The following SLC7A14 variants were observed in gnomAD, a reference collection of about 807,000 sequenced individuals.
SLC7A14 encodes solute carrier family 7 member 14.
A neutral mutation model predicts 60.2 loss-of-function variants in SLC7A14; 37 were observed. The ratio of observed to expected loss-of-function variants is 0.61; its 90% CI spans 0.47 to 0.81. The LOEUF (loss-of-function observed/expected upper bound fraction) is 0.81. Among genes scored for constraint, SLC7A14 ranks in the 30% least tolerant of loss-of-function variants. The pLI, the probability that SLC7A14 is intolerant of heterozygous loss-of-function variation, is 0.00. For synonymous variants in SLC7A14, 399 were observed against 395.8 expected, an observed-to-expected ratio of 1.01 and a Z score of -0.10; for missense variants, 886 against 982.7, an observed-to-expected ratio of 0.90 and a Z score of 1.32.
At chr3:170,550,140 A>C (rs1714301558) in intron 1 of SLC7A14, among the ~76,000 whole-genome samples, 1 of 152,250 alleles carries the variant, frequency 6.6e-6, no homozygotes, top group South Asian at 2.1e-4. Flanking sequence ...CACACGTTGC[A>C]TTATAAATGT....
intron 1 of SLC7A14, among the ~76,000 whole-genome samples, chr3:170,582,410 C>CT (rs1453853610): frequency 6.6e-6 from 1 of 152,032 alleles, no homozygotes; most frequent in African/African-American, 2.4e-5. Context: ...ACTAGTGTGA[C>CT]TGGGGGGCTA....
At chr3:170,549,758 CT>C (rs1338232292) in intron 1 of SLC7A14, among the ~76,000 whole-genome samples, 1 of 152,150 alleles carries the variant, frequency 6.6e-6, no homozygotes, top group Admixed American at 6.6e-5. Context: ...CCACATTTTA[CT>C]TTTTTAACAT....
intron 7 of SLC7A14, among the ~76,000 whole-genome samples, chr3:170,469,980 CAGAT>C (rs886098303): frequency 2.2e-4 from 34 of 152,154 alleles, no homozygotes; most frequent in African/African-American, 5.3e-4. Flanking sequence ...TTTTGGGTGT[CAGAT>C]AGATTCATAT....
intron 1 of SLC7A14, among the ~76,000 whole-genome samples, chr3:170,543,097 C>CT (rs1439635195): frequency 1.3e-5 from 2 of 152,176 alleles, no homozygotes; most frequent in Non-Finnish European, 2.9e-5. Context: ...TCTATCTGGA[C>CT]TGTTGGGTCA....
At chr3:170,518,000 T>C (rs951754961) in intron 2 of SLC7A14, among the ~76,000 whole-genome samples, 2 of 152,224 alleles carry the variant, frequency 1.3e-5, no homozygotes, top group African/African-American at 2.4e-5. Context: ...ATCTCAGAGA[T>C]AGCTCGCTGA....
chr3:170,569,440 A>G (rs1224079821), intron 1 of SLC7A14, among the ~76,000 whole-genome samples: 1 of 152,014 alleles, frequency 6.6e-6, no homozygotes, highest in Non-Finnish European at 1.5e-5. Flanking sequence ...TTTTGGCATC[A>G]GCGTTCATCA....
Position 170,461,243 on chromosome 3 carries a change from T to G in SLC7A14, c.*5812A>C, listed in dbSNP as rs1008641426. The G allele has an allele frequency of 2.0e-5, 3 of 152,236 alleles. No individual in the cohort carries two copies. Among genetic ancestry groups the G allele is most frequent in the African/African-American group, 4.8e-5 (2 of 41,450 alleles). 9.4% of individuals were successfully genotyped at this position (152,236 alleles called of 1,614,324 possible). ...TTAATGATTTTGTACACTGTTTTAG[T>G]TGATACTGCAGAACACATATTCACC... is the stretch of plus-strand genomic sequence containing the variant. On this transcript the variant is annotated 3_prime_UTR_variant, in exon 8 of 8. Coordinates refer to ENST00000231706, the MANE Select transcript of SLC7A14 (RefSeq NM_020949.3).
chr3:170,500,194 G>A (rs1712559827), intron 3 of SLC7A14, among the ~76,000 whole-genome samples: 1 of 152,092 alleles, frequency 6.6e-6, no homozygotes, highest in Non-Finnish European at 1.5e-5. Flanking sequence ...TGTAATTCCA[G>A]CACTTTGGGA....
chr3:170,571,815 C>T (rs1714962901), intron 1 of SLC7A14, among the ~76,000 whole-genome samples: 2 of 152,116 alleles, frequency 1.3e-5, no homozygotes, highest in South Asian at 4.1e-4. Flanking sequence ...AATCCCAGCA[C>T]TTTGGGAGGC....
At chr3:170,508,329 C>T (rs1031706867) in intron 2 of SLC7A14, among the ~76,000 whole-genome samples, 1 of 152,234 alleles carries the variant, frequency 6.6e-6, no homozygotes, top group Non-Finnish European at 1.5e-5. Context: ...TTTACAGTTT[C>T]ATGCAGGCCT....
chr3:170,543,731 TTTTC>T (rs761250853), intron 1 of SLC7A14, among the ~76,000 whole-genome samples: 66 of 150,108 alleles, frequency 4.4e-4, no homozygotes, highest in African/African-American at 1.0e-3. Context: ...CTAAACTGCA[TTTTC>T]TTTCTTTCTT....
At position 170,532,370 on chromosome 3, in the gene SLC7A14, C is replaced by CT. The variant is rs1453981037; in HGVS notation, c.-152-5283dup. ...AGGTCTTGGCTAACCCTCTCACCAC[C>CT]TCCCTGCTTTTCTTCCTCTGGGCTG... On this transcript the variant is annotated intron_variant, in intron 1 of 7. Transcript: ENST00000231706. This position sits in a 1 kb window ranked among gnomAD's most constrained non-coding sequence, Gnocchi z 4.0. Among the ~76,000 whole-genome samples the CT allele has an allele frequency of 6.6e-6, 1 of 152,230 alleles. No homozygotes were observed. The highest frequency in any genetic ancestry group is 2.4e-5 in the African/African-American group (1 of 41,458).
intron 1 of SLC7A14, among the ~76,000 whole-genome samples, chr3:170,579,549 T>C (rs56847955): frequency 1.6e-3 from 249 of 152,364 alleles, no homozygotes; most frequent in African/African-American, 5.6e-3. Context: ...GTTTCCTTAT[T>C]GACTTGCTAG....
chr3:170,478,309 C>T (rs983862444), intron 7 of SLC7A14, among the ~76,000 whole-genome samples: 2 of 152,168 alleles, frequency 1.3e-5, no homozygotes, highest in African/African-American at 4.8e-5. Context: ...AACTCCTAAA[C>T]TCAGGTGATC....
chr3:170,505,199 A>G (rs1038856258), intron 2 of SLC7A14, among the ~76,000 whole-genome samples: 5 of 152,028 alleles, frequency 3.3e-5, no homozygotes, highest in African/African-American at 9.7e-5. Flanking sequence ...TTTGGAATTT[A>G]CCGACTTGAT....
In SLC7A14 at chr3:170,483,232, A is replaced by G. The variant is rs975977146; in HGVS notation, c.1115+82T>C. ...TGTGAAAGGCACTGATGTCAAAATC[A>G]CAGTCAGTCTGACAGTGGGTAGACA... On this transcript the variant is annotated intron_variant, in intron 6 of 7. Transcript: ENST00000231706. The G allele has an allele frequency of 2.1e-5, 31 of 1,499,310 alleles. No individual in the cohort carries two copies. The African/African-American group carries it at 3.2e-4, about 15-fold the overall frequency. 92.9% of individuals were successfully genotyped at this position (1,499,310 alleles called of 1,614,324 possible).
chr3:170,480,977 A>G lies in SLC7A14; in HGVS notation c.1305T>C (p.Ser435=). The part of the protein sequence containing the change: ...CVLLLRYQPE[S]DIDGFVKFLS... Reference sequence around the variant, plus strand: ...AGAACTTGACAAAACCATCAATGTCACTCTCAGGTTGGTATCGAAGGAGCA... The same window carrying G: ...AGAACTTGACAAAACCATCAATGTCGCTCTCAGGTTGGTATCGAAGGAGCA... The change falls in exon 7 of 8, where the codon AGT becomes AGC. Residue 435 remains serine (S), a synonymous_variant. Coordinates refer to ENST00000231706, the MANE Select transcript of SLC7A14 (RefSeq NM_020949.3). 1.2e-6 allele frequency: 2 copies of G among 1,613,424 alleles called. No homozygotes were observed. Among genetic ancestry groups the G allele is most frequent in the East Asian group, 2.2e-5 (1 of 44,852 alleles).
chr3:170,504,890 C>T (rs9816125), intron 2 of SLC7A14, among the ~76,000 whole-genome samples: 73,595 of 151,906 alleles, frequency 0.48, 21,557 homozygotes, highest in African/African-American at 0.84. Context: ...GGAGTGTCTA[C>T]GGTTCTCATG....
chr3:170,470,763 CGT>C (rs1739877450), intron 7 of SLC7A14, among the ~76,000 whole-genome samples: 1 of 152,002 alleles, frequency 6.6e-6, no homozygotes, highest in African/African-American at 2.4e-5. Context: ...AGAAGAGAAA[CGT>C]ATTACCATCT....
Sources: gnomAD v4.1 joint callset for allele counts (sites outside exome capture counted in the v4.1 genomes callset) on GRCh38, gnomAD v4.1.1 for gene constraint, Gnocchi (gnomAD v3.1) non-coding constraint, MANE v1.5 for transcripts, NCBI Gene and HGNC (gene_info 2026-07-23, HGNC 2026-07-21) for gene names.